The following FYB1 variants were observed in gnomAD, a reference collection of about 807,000 sequenced individuals.
FYB1 encodes the protein FYN binding protein 1, also known as FYN-binding protein 1.
FYB1 carries 41 observed loss-of-function variants against 94.1 expected under a neutral mutation model. The ratio of observed to expected loss-of-function variants is 0.44; its 90% CI spans 0.34 to 0.57. The LOEUF (loss-of-function observed/expected upper bound fraction) is 0.57. Ranked by LOEUF, FYB1 falls within the 20% of genes least tolerant of loss-of-function variation. The pLI is 0.02. For missense variants in FYB1, 1,050 were observed against 976.8 expected, an observed-to-expected ratio of 1.07 and a Z score of -1.00; for synonymous variants, 367 against 353.2, an observed-to-expected ratio of 1.04 and a Z score of -0.44.
intron 1 of FYB1, among the ~76,000 whole-genome samples, chr5:39,237,518 C>T (rs530085333): frequency 6.6e-6 from 1 of 152,012 alleles, no homozygotes; most frequent in East Asian, 1.9e-4. Context: ...TTTGCTTACT[C>T]AATCAATAAG....
chr5:39,153,541 G>C lies in FYB1; in HGVS notation c.1199C>G (p.Pro400Arg). The change falls in exon 3 of 19, where the codon CCG becomes CGG. Residue 400 changes from proline (P) to arginine (R), a missense_variant. Physicochemically the swap from Pro to Arg is moderately radical, Grantham distance 103. Transcript: ENST00000512982. ...TSLPPPPPSH[P>R]ASQPPLPASH... Reference sequence around the variant, plus strand: ...TGCTGGCAATGGTGGTTGGCTGGCCGGATGGGATGGTGGAGGTGGTGGCAG... The same window carrying C: ...TGCTGGCAATGGTGGTTGGCTGGCCCGATGGGATGGTGGAGGTGGTGGCAG... 1 of 1,613,928 alleles carries C rather than the reference G, an allele frequency of 6.2e-7. No individual in the cohort carries two copies. Among genetic ancestry groups the C allele is most frequent in the Non-Finnish European group, 8.5e-7 (1 of 1,179,866 alleles).
At chr5:39,128,643 C>T (rs1300989258) in intron 10 of FYB1, among the ~76,000 whole-genome samples, 1 of 152,050 alleles carries the variant, frequency 6.6e-6, no homozygotes, top group Non-Finnish European at 1.5e-5. Flanking sequence ...GTCACCATAC[C>T]ATCTGTAACA....
Position 39,241,423 on chromosome 5 carries a change from C to T in FYB1, c.-28+32980G>A, listed in dbSNP as rs369739719. 8.5e-5 allele frequency among the ~76,000 whole-genome samples: 13 copies of T among 152,272 alleles called. No individual in the cohort carries two copies. The East Asian group carries it at 1.2e-3, about 14-fold the overall frequency. ...GAGGGGGACATAAGCTTCAGTTCTA[C>T]GCCCTGATTCTGAGACTGTACATAT... is the stretch of plus-strand genomic sequence containing the variant. On this transcript the variant is annotated intron_variant, in intron 1 of 1. Transcript: ENST00000510188.
At chr5:39,236,996 G>T (rs1750992751) in intron 1 of FYB1, among the ~76,000 whole-genome samples, 1 of 152,148 alleles carries the variant, frequency 6.6e-6, no homozygotes, top group Non-Finnish European at 1.5e-5. Context: ...ACAAATATAA[G>T]AAATGTACTT....
At chr5:39,203,146 T>C in intron 1 of FYB1, 159 bp from the exon 2 acceptor site, 4 of 634,124 alleles carry the variant, frequency 6.3e-6, no homozygotes, top group Non-Finnish European at 1.1e-5. Context: ...GCAAAATAAG[T>C]TGCGAGAGTT....
chr5:39,210,603 A>C (rs1006456204), intron 1 of FYB1, among the ~76,000 whole-genome samples: 5 of 152,214 alleles, frequency 3.3e-5, no homozygotes, highest in African/African-American at 1.2e-4. Context: ...CATTCTACAA[A>C]TTCGAACCTT....
chr5:39,247,459 G>A (rs1579778595), intron 1 of FYB1, among the ~76,000 whole-genome samples: 1 of 152,046 alleles, frequency 6.6e-6, no homozygotes, highest in Admixed American at 6.5e-5. Context: ...TTATTCAAAG[G>A]TTGTTAGACA....
intron 2 of FYB1, among the ~76,000 whole-genome samples, chr5:39,159,826 G>T (rs889530223): frequency 2.0e-5 from 3 of 152,160 alleles, no homozygotes; most frequent in African/African-American, 7.2e-5. Flanking sequence ...CATCAAGCAA[G>T]AAACATTCAC....
chr5:39,193,602 T>C (rs183243553), intron 2 of FYB1, among the ~76,000 whole-genome samples: 9 of 152,324 alleles, frequency 5.9e-5, no homozygotes. Flanking sequence ...TAGACAAGCC[T>C]GTGAATTCTC....
At chr5:39,179,637 C>T (rs1241648201) in intron 2 of FYB1, among the ~76,000 whole-genome samples, 1 of 151,568 alleles carries the variant, frequency 6.6e-6, no homozygotes, top group Non-Finnish European at 1.5e-5. Context: ...CCTCTGCCTC[C>T]TGAGTTCAAG....
At chr5:39,270,837 T>C (rs1752643701) in intron 1 of FYB1, 1 of 403,848 alleles carries the variant, frequency 2.5e-6, no homozygotes, top group Non-Finnish European at 4.4e-6. Flanking sequence ...GACTGAAAAA[T>C]TGACACAAAA....
chr5:39,124,237 A>C lies in FYB1; in HGVS notation c.2071+16T>G. On this transcript the variant is annotated intron_variant, in intron 13 of 18. Coordinates refer to ENST00000512982, the MANE Select transcript of FYB1 (RefSeq NM_001465.6). ...AAATGAAGATACAGAACATACAATC[A>C]GTTTTTATTACTTACCCAATTGTTT... is the stretch of plus-strand genomic sequence containing the variant. The C allele has an allele frequency of 6.5e-7, 1 of 1,536,736 alleles. No individual in the cohort carries two copies. Among genetic ancestry groups the C allele is most frequent in the Non-Finnish European group, 8.8e-7 (1 of 1,132,516 alleles).
At chr5:39,183,299 T>C (rs544612894) in intron 2 of FYB1, among the ~76,000 whole-genome samples, 2 of 152,248 alleles carry the variant, frequency 1.3e-5, no homozygotes, top group East Asian at 1.9e-4. Flanking sequence ...TTTCCTTTTT[T>C]TAAGGTACGA....
At chr5:39,244,839 A>G (rs1222752198) in intron 1 of FYB1, among the ~76,000 whole-genome samples, 1 of 152,098 alleles carries the variant, frequency 6.6e-6, no homozygotes, top group Non-Finnish European at 1.5e-5. Flanking sequence ...GTGTATTCAG[A>G]GATTCAACTT....
At chr5:39,212,050 A>G (rs1749444069) in intron 1 of FYB1, among the ~76,000 whole-genome samples, 2 of 152,210 alleles carry the variant, frequency 1.3e-5, no homozygotes, top group Admixed American at 1.3e-4. Flanking sequence ...TCAGGCCTGT[A>G]ATCCCAGCAA....
chr5:39,141,698 T>G (rs1382516541), intron 3 of FYB1, among the ~76,000 whole-genome samples: 1 of 151,992 alleles, frequency 6.6e-6, no homozygotes, highest in Non-Finnish European at 1.5e-5. Flanking sequence ...TCACAATTAC[T>G]TTTGCACCGA....
intron 17 of FYB1, among the ~76,000 whole-genome samples, chr5:39,108,578 A>G (rs1738758225): frequency 6.6e-6 from 1 of 152,074 alleles, no homozygotes; most frequent in Admixed American, 6.6e-5. Context: ...CCCATTGGGG[A>G]TGTTAATTCA....
intron 1 of FYB1, among the ~76,000 whole-genome samples, chr5:39,207,465 A>G (rs1210824654): frequency 1.3e-5 from 2 of 152,194 alleles, no homozygotes; most frequent in Non-Finnish European, 2.9e-5. Context: ...CTCCAGATTG[A>G]CAGTTAACAA....
At chr5:39,128,622 A>G (rs1740897818) in intron 10 of FYB1, among the ~76,000 whole-genome samples, 1 of 152,136 alleles carries the variant, frequency 6.6e-6, no homozygotes, top group East Asian at 1.9e-4. Flanking sequence ...TCCTGAACAC[A>G]TTGGAGTGGA....
Sources: gnomAD v4.1 joint callset for allele counts (sites outside exome capture counted in the v4.1 genomes callset) on GRCh38, gnomAD v4.1.1 for gene constraint, MANE v1.5 for transcripts, NCBI Gene and HGNC (gene_info 2026-07-23, HGNC 2026-07-21) for gene names.